Variants in PARD3B observed in about 807,000 individuals in gnomAD.
PARD3B encodes par-3 family cell polarity regulator beta.
Under a neutral mutation model 130.2 loss-of-function variants are expected in PARD3B, and 103 were observed. That is an observed-to-expected ratio of 0.79 (90% CI 0.67 to 0.93). The LOEUF is 0.93. PARD3B is among the 40% of genes least tolerant of loss of function. The probability of loss-of-function intolerance (pLI) is 0.00; values close to 1 mark genes in which losing one functional copy is unlikely to be tolerated. For synonymous variants in PARD3B, 583 were observed against 553.2 expected (o/e 1.05, Z -0.76); for missense variants, 1,609 against 1,499.2 (o/e 1.07, Z -1.21).
intron 2 of PARD3B, among the ~76,000 whole-genome samples, chr2:204,878,093 A>T (rs2125662282): frequency 6.6e-6 from 1 of 152,322 alleles, no homozygotes; most frequent in South Asian, 2.1e-4. Context: ...TAAACTACAG[A>T]GGCATCCATC....
intron 19 of PARD3B, among the ~76,000 whole-genome samples, chr2:205,425,254 C>A (rs2047104489): frequency 6.6e-6 from 1 of 152,102 alleles, no homozygotes; most frequent in South Asian, 2.1e-4. Context: ...CTAAGGAAAG[C>A]TAAAAATGTT....
At chr2:205,279,026 G>A (rs1276866011) in intron 16 of PARD3B, among the ~76,000 whole-genome samples, 3 of 116,302 alleles carry the variant, frequency 2.6e-5, no homozygotes, top group African/African-American at 3.2e-5. Context: ...AGCCAAGATC[G>A]TACCACTTCA....
intron 12 of PARD3B, among the ~76,000 whole-genome samples, chr2:205,175,789 G>A (rs2125759866): frequency 6.6e-6 from 1 of 152,274 alleles, no homozygotes; most frequent in East Asian, 1.9e-4. Context: ...TCCTTCTTCA[G>A]CACCTGTGGA....
intron 2 of PARD3B, among the ~76,000 whole-genome samples, chr2:204,778,743 A>C (rs1158301450): frequency 6.6e-6 from 1 of 152,112 alleles, no homozygotes; most frequent in Non-Finnish European, 1.5e-5. Context: ...TGCTAGTCCA[A>C]GCTGCCATCT....
chr2:204,552,328 C>T (rs1389202419), intron 1 of PARD3B, among the ~76,000 whole-genome samples: 2 of 152,032 alleles, frequency 1.3e-5, no homozygotes, highest in Admixed American at 1.3e-4. Flanking sequence ...TGAGAGTAAG[C>T]CCAGGTTGGC....
intron 1 of PARD3B, among the ~76,000 whole-genome samples, chr2:204,588,636 C>G (rs2032939173): frequency 6.6e-6 from 1 of 152,078 alleles, no homozygotes. Flanking sequence ...ATGAAAGGTG[C>G]TTTTCTTTTT....
At chr2:204,589,665 G>GA (rs1559172415) in intron 1 of PARD3B, among the ~76,000 whole-genome samples, 2 of 152,058 alleles carry the variant, frequency 1.3e-5, no homozygotes, top group African/African-American at 2.4e-5. Flanking sequence ...GACCAGAAAG[G>GA]AAAAAAATCA....
chr2:205,111,075 TCTC>T (rs1703613780), intron 5 of PARD3B, among the ~76,000 whole-genome samples: 1 of 152,038 alleles, frequency 6.6e-6, no homozygotes, highest in South Asian at 2.1e-4. Flanking sequence ...TTTCAAATGT[TCTC>T]CTTTCTAACT....
intron 3 of PARD3B, among the ~76,000 whole-genome samples, chr2:204,972,675 C>G (rs1575451564): frequency 6.6e-6 from 1 of 152,048 alleles, no homozygotes; most frequent in Non-Finnish European, 1.5e-5. Context: ...TCATTTTTGT[C>G]CTTTTTCCAG....
intron 20 of PARD3B, among the ~76,000 whole-genome samples, chr2:205,444,393 G>A (rs1008715247): frequency 3.9e-5 from 6 of 152,294 alleles, no homozygotes; most frequent in South Asian, 2.1e-4. Context: ...GTCCAAGGCT[G>A]TAGTGACCTG....
intron 16 of PARD3B, among the ~76,000 whole-genome samples, chr2:205,289,641 C>G (rs1207426): frequency 2.6e-5 from 4 of 152,012 alleles, no homozygotes; most frequent in Non-Finnish European, 5.9e-5. Context: ...AGTGCAGCAG[C>G]GTGGAGATAG....
At chr2:205,064,214 T>G (rs1700225790) in intron 4 of PARD3B, among the ~76,000 whole-genome samples, 2 of 152,226 alleles carry the variant, frequency 1.3e-5, no homozygotes, top group African/African-American at 4.8e-5. Flanking sequence ...TTTATTTTTT[T>G]GAAGAATGGC....
At chr2:205,578,063 T>C (rs1331022263) in intron 22 of PARD3B, among the ~76,000 whole-genome samples, 1 of 152,174 alleles carries the variant, frequency 6.6e-6, no homozygotes, top group Non-Finnish European at 1.5e-5. Context: ...ATCCACTCTT[T>C]AGCTACTTGT....
chr2:205,530,832 G>A lies in PARD3B; in HGVS notation c.3181-22492G>A, dbSNP rs746007826. 6.6e-6 allele frequency among the ~76,000 whole-genome samples: 1 copy of A among 152,158 alleles called. No homozygotes were observed. The highest frequency in any genetic ancestry group is 2.4e-5 in the African/African-American group (1 of 41,446). On this transcript the variant is annotated intron_variant, in intron 21 of 22. Coordinates refer to ENST00000406610, the MANE Select transcript of PARD3B (RefSeq NM_001302769.2). The surrounding 1 kb of genome is among the most constrained non-coding windows in gnomAD (Gnocchi z 4.7). The stretch of plus-strand genomic sequence containing the variant: ...AAGATGAAATGGGGAAGAAAGAAAC[G>A]ATGACTCTAGAGGCATGACCCACCT...
chr2:205,078,981 G>A lies in PARD3B; in HGVS notation c.505-25445G>A, dbSNP rs976805203. 1.3e-5 allele frequency among the ~76,000 whole-genome samples: 2 copies of A among 152,216 alleles called. No individual in the cohort carries two copies. The highest frequency in any genetic ancestry group is 3.9e-4 in the East Asian group (2 of 5,174). On this transcript the variant is annotated intron_variant, in intron 4 of 22. Transcript: ENST00000406610. The surrounding 1 kb of genome is among the most constrained non-coding windows in gnomAD (Gnocchi z 4.0). ...GACCTGTGGAGCCTTGGCAGCAGCC[G>A]ACTCTACATCTGACTGCAGCCTTGT...
At chr2:205,008,688 A>T (rs1559351733) in intron 3 of PARD3B, among the ~76,000 whole-genome samples, 1 of 152,218 alleles carries the variant, frequency 6.6e-6, no homozygotes, top group African/African-American at 2.4e-5. Flanking sequence ...CAGGGCAAAA[A>T]GTCTTTCTCT....
At chr2:204,955,133 T>G (rs2125833212) in intron 2 of PARD3B, among the ~76,000 whole-genome samples, 1 of 152,360 alleles carries the variant, frequency 6.6e-6, no homozygotes, top group Middle Eastern at 3.4e-3. Flanking sequence ...ACATGCTGGA[T>G]TGCAGTCATT....
At chr2:205,521,603 G>T (rs1406293056) in intron 21 of PARD3B, among the ~76,000 whole-genome samples, 1 of 151,902 alleles carries the variant, frequency 6.6e-6, no homozygotes, top group Non-Finnish European at 1.5e-5. Flanking sequence ...AGACTCTAAT[G>T]TTGAATAGCC....
chr2:204,868,890 C>A (rs1274318104), intron 2 of PARD3B, among the ~76,000 whole-genome samples: 2 of 152,076 alleles, frequency 1.3e-5, no homozygotes, highest in African/African-American at 4.8e-5. Flanking sequence ...AAAGAGCATG[C>A]AACTTTGGTG....
Sources: allele counts gnomAD v4.1 joint callset (sites outside exome capture counted in the v4.1 genomes callset), GRCh38; gene constraint gnomAD v4.1.1; non-coding constraint Gnocchi (gnomAD v3.1); transcripts MANE v1.5; gene names NCBI Gene and HGNC (gene_info 2026-07-23, HGNC 2026-07-21).